Variants in FBN2 observed in about 807,000 individuals in gnomAD.
FBN2 encodes fibrillin-2.
Under a neutral mutation model 355.6 loss-of-function variants are expected in FBN2, and 105 were observed. That is an observed-to-expected ratio of 0.30 (90% CI 0.25 to 0.35). The LOEUF is 0.35. Among genes scored for constraint, FBN2 ranks in the 10% least tolerant of loss-of-function variants. The pLI, the probability that FBN2 is intolerant of heterozygous loss-of-function variation, is 1.00. For missense variants in FBN2, 3,280 were observed against 3,758.7 expected, an observed-to-expected ratio of 0.87 and a Z score of 3.33; for synonymous variants, 1,350 against 1,301.2, an observed-to-expected ratio of 1.04 and a Z score of -0.81.
At chr5:128,512,211 T>C (rs1207544236) in intron 5 of FBN2, among the ~76,000 whole-genome samples, 1 of 152,170 alleles carries the variant, frequency 6.6e-6, no homozygotes, top group Non-Finnish European at 1.5e-5. Flanking sequence ...AGGACAATTT[T>C]ATCTAAGACA....
intron 4 of FBN2, among the ~76,000 whole-genome samples, chr5:128,524,561 T>C (rs1231948002): frequency 1.3e-5 from 2 of 152,304 alleles, no homozygotes; most frequent in South Asian, 2.1e-4. Context: ...CTAAGCAGTC[T>C]AAATGTTTTA....
intron 20 of FBN2, among the ~76,000 whole-genome samples, chr5:128,351,754 C>T (rs1158147765): frequency 6.6e-6 from 1 of 151,966 alleles, no homozygotes; most frequent in Non-Finnish European, 1.5e-5. Context: ...AAACACAGTG[C>T]ATTGCCATGT....
chr5:128,366,440 A>C lies in FBN2; in HGVS notation c.2249-10T>G. ...AGGCCGTGGAATTCAGCTGTATGAC[A>C]AAAAGAAATAGAAGAATTAAAAACT... On this transcript the variant is annotated splice_polypyrimidine_tract_variant and intron_variant, in intron 16 of 64. Transcript: ENST00000262464. The C allele has an allele frequency of 6.3e-7, 1 of 1,587,816 alleles. No individual in the cohort carries two copies. The highest frequency in any genetic ancestry group is 2.3e-5 in the East Asian group (1 of 44,444).
intron 62 of FBN2, among the ~76,000 whole-genome samples, chr5:128,266,391 A>G (rs60878966): frequency 0.026 from 3,968 of 152,294 alleles, 139 homozygotes; most frequent in African/African-American, 0.071. Flanking sequence ...TCCTCTGCTC[A>G]TGGAGTTTCT....
At chr5:128,271,151 T>C (rs1229305619) in intron 62 of FBN2, among the ~76,000 whole-genome samples, 1 of 152,210 alleles carries the variant, frequency 6.6e-6, no homozygotes, top group African/African-American at 2.4e-5. Context: ...CTAATTTATT[T>C]AGTGGATCAC....
chr5:128,409,254 T>C (rs1222941552), intron 7 of FBN2, among the ~76,000 whole-genome samples: 1 of 152,200 alleles, frequency 6.6e-6, no homozygotes, highest in Non-Finnish European at 1.5e-5. Context: ...TTTTTAAACT[T>C]GGCTTCAGGA....
At chr5:128,436,694 T>C (rs927623354) in intron 7 of FBN2, among the ~76,000 whole-genome samples, 6 of 149,636 alleles carry the variant, frequency 4.0e-5, no homozygotes, top group Admixed American at 4.0e-4. Context: ...AAAAAAAGTA[T>C]GGAAATATTT....
chr5:128,260,840 GT>G (rs1339439999), intron 64 of FBN2, among the ~76,000 whole-genome samples: 3 of 152,158 alleles, frequency 2.0e-5, no homozygotes, highest in Non-Finnish European at 4.4e-5. Flanking sequence ...TGTTGATTAG[GT>G]TTTTTGGTGG....
At chr5:128,342,277 A>T (rs1438335067) in intron 25 of FBN2, among the ~76,000 whole-genome samples, 5 of 152,070 alleles carry the variant, frequency 3.3e-5, no homozygotes. Flanking sequence ...TAGAAGGATG[A>T]TCAAGACCGG....
At chr5:128,474,580 T>G (rs1031326914) in intron 5 of FBN2, among the ~76,000 whole-genome samples, 5 of 152,182 alleles carry the variant, frequency 3.3e-5, no homozygotes, top group African/African-American at 1.2e-4. Context: ...GTGGCTGCCA[T>G]GAAAATGTTA....
At chr5:128,275,588 TTAA>T (rs1765373664) in intron 59 of FBN2, among the ~76,000 whole-genome samples, 1 of 152,124 alleles carries the variant, frequency 6.6e-6, no homozygotes, top group Non-Finnish European at 1.5e-5. Flanking sequence ...TGAAACTATT[TTAA>T]TGATCTAATT....
chr5:128,311,073 T>C (rs955295431), intron 39 of FBN2, among the ~76,000 whole-genome samples: 1 of 152,092 alleles, frequency 6.6e-6, no homozygotes, highest in South Asian at 2.1e-4. Flanking sequence ...TCCCAATTTA[T>C]ATTTAATCAA....
At chr5:128,300,730 G>T (rs1749690696) in intron 48 of FBN2, 87 bp downstream of exon 48, 7 of 1,332,344 alleles carry the variant, frequency 5.3e-6, no homozygotes, top group Non-Finnish European at 7.6e-6. Context: ...TGCTTGCAGT[G>T]GTTGGCACTT....
Position 128,393,284 on chromosome 5 carries a change from C to T in FBN2, c.1316G>A (p.Gly439Glu), listed in dbSNP as rs1554066016. The T allele has an allele frequency of 6.2e-7, 1 of 1,614,126 alleles. No individual in the cohort carries two copies. Among genetic ancestry groups the T allele is most frequent in the Non-Finnish European group, 8.5e-7 (1 of 1,179,980 alleles). Residue 439 changes from glycine (G) to glutamate (E), a missense_variant, in exon 10 of 65, where the codon GGA becomes GAA. Gly to Glu is a moderately conservative substitution (Grantham distance 98, BLOSUM62 -2). Transcript: ENST00000262464. ...ATTGCCACTTGGGGCAAAGCCATTT[C>T]CCCCAGTGCCTCCAGGTCTGGAACC... The part of the protein sequence containing the change: ...SAGSRPGGTG[G>E]NGFAPSGNGN...
In FBN2 at chr5:128,537,485, G is replaced by A. The variant is rs760308666; in HGVS notation, c.119C>T (p.Pro40Leu). The change falls in exon 1 of 65, where the codon CCC (proline) becomes CTC (leucine). Residue 40 changes from proline (P) to leucine (L), a missense_variant. Around this residue, in one of 6 missense-constraint regions of FBN2, gnomAD observed 203 missense variants for 142.2 expected, o/e 1.43. Transcript: ENST00000262464. ...CCGAACCTGTTGCGGCGGCGGCTGG[G>A]GCCGGGGCGGCTTGGGCGGAGGAGG... ...PQPPPPKPPRPQPPPQQVRSA... is the reference protein window; with the variant it reads ...PQPPPPKPPRLQPPPQQVRSA... 6.3e-7 allele frequency: 1 copy of A among 1,592,824 alleles called. No homozygotes were observed.
intron 7 of FBN2, among the ~76,000 whole-genome samples, chr5:128,445,651 T>C (rs1754044172): frequency 6.6e-6 from 1 of 152,306 alleles, no homozygotes; most frequent in East Asian, 1.9e-4. Context: ...AGTTATACTC[T>C]ATTGCCTTTA....
intron 19 of FBN2, among the ~76,000 whole-genome samples, chr5:128,360,098 T>C (rs1751601800): frequency 1.3e-5 from 2 of 152,060 alleles, no homozygotes; most frequent in South Asian, 4.1e-4. Context: ...AACGGAAGCT[T>C]ATCCTCCAAC....
chr5:128,331,677 G>A (rs468267), intron 32 of FBN2, among the ~76,000 whole-genome samples: 16,392 of 152,132 alleles, frequency 0.11, 1,816 homozygotes, highest in East Asian at 0.66. Context: ...GCATTCAGCA[G>A]ACACGAAGAG....
intron 25 of FBN2, 48 bp downstream of exon 25, chr5:128,344,337 A>C: frequency 1.9e-6 from 3 of 1,604,854 alleles, no homozygotes; most frequent in Non-Finnish European, 2.6e-6. Flanking sequence ...AACAGAGTAA[A>C]GGAAAGACAG....
Sources: allele counts gnomAD v4.1 joint callset (sites outside exome capture counted in the v4.1 genomes callset), GRCh38; gene constraint gnomAD v4.1.1; regional missense constraint gnomAD v4.1.1; transcripts MANE v1.5; gene names NCBI Gene and HGNC (gene_info 2026-07-23, HGNC 2026-07-21).